Variants in PITPNC1 observed in about 807,000 individuals in gnomAD.
PITPNC1 encodes the protein cytoplasmic phosphatidylinositol transfer protein 1.
In PITPNC1, 18 loss-of-function variants were observed where a neutral mutation model predicts 44.7. That is an observed-to-expected ratio of 0.40 (90% CI 0.28 to 0.60). The LOEUF (loss-of-function observed/expected upper bound fraction) is 0.60, where lower values mean the gene tolerates loss of function less well. PITPNC1 is among the 20% of genes least tolerant of loss of function. The pLI is 0.39. For synonymous variants in PITPNC1, 141 were observed against 149.6 expected (o/e 0.94, Z 0.42); for missense variants, 290 against 418.4 (o/e 0.69, Z 2.68).
At chr17:67,663,580 CAA>C (rs112237311) in intron 6 of PITPNC1, among the ~76,000 whole-genome samples, 5 of 142,298 alleles carry the variant, frequency 3.5e-5, no homozygotes, top group African/African-American at 1.3e-4. Flanking sequence ...AAAAAAAGGA[CAA>C]AAAAAAAAAA....
chr17:67,689,733 A>C lies in PITPNC1; in HGVS notation c.683-2839A>C, dbSNP rs73997224. The stretch of plus-strand genomic sequence containing the variant: ...GTGGAAAATCAAAATTCTGTGCTTT[A>C]GATTATTTCTGCCCCCTGCTGGCTA... On this transcript the variant is annotated intron_variant, in intron 8 of 8. Transcript: ENST00000581322. Among the ~76,000 whole-genome samples, 512 of 152,328 alleles carry C rather than the reference A, an allele frequency of 3.4e-3. 3 individuals carry two copies. The highest frequency in any genetic ancestry group is 0.012 in the African/African-American group (495 of 41,576).
chr17:67,482,212 TAAAGG>T (rs2039713973), intron 1 of PITPNC1, among the ~76,000 whole-genome samples: 1 of 152,206 alleles, frequency 6.6e-6, no homozygotes, highest in Admixed American at 6.5e-5. Context: ...AGCTACAACT[TAAAGG>T]AAACTTGACT....
rs77497598 is a variant in PITPNC1, at chr17:67,542,000, T to A, written c.197+9050T>A. Among the ~76,000 whole-genome samples the A allele has an allele frequency of 6.3e-3, 958 of 152,280 alleles. 13 individuals are homozygous for A. The highest frequency in any genetic ancestry group is 0.022 in the African/African-American group (921 of 41,558). ...GTTCATCAGGGTGTCCTGAAGCAGA[T>A]TCAAATATCTAATAGGCGGTTGAAC... On this transcript the variant is annotated intron_variant, in intron 2 of 8. Transcript: ENST00000581322.
At chr17:67,585,072 T>C (rs772564256) in intron 5 of PITPNC1, among the ~76,000 whole-genome samples, 9 of 143,248 alleles carry the variant, frequency 6.3e-5, no homozygotes, top group Non-Finnish European at 1.2e-4. Flanking sequence ...GCTGAGATCG[T>C]GCCATTGCAC....
chr17:67,558,498 A>G (rs1339463903), intron 4 of PITPNC1, among the ~76,000 whole-genome samples: 1 of 151,944 alleles, frequency 6.6e-6, no homozygotes, highest in Non-Finnish European at 1.5e-5. Context: ...CTTTCAGATG[A>G]GCATAAATCA....
At chr17:67,470,861 A>C (rs1325392546) in intron 1 of PITPNC1, among the ~76,000 whole-genome samples, 8 of 140,554 alleles carry the variant, frequency 5.7e-5, no homozygotes, top group East Asian at 2.1e-4. Flanking sequence ...TGCACTAAGA[A>C]AAATTCCTCT....
intron 2 of PITPNC1, among the ~76,000 whole-genome samples, chr17:67,542,600 A>G (rs921441323): frequency 6.6e-6 from 1 of 152,230 alleles, no homozygotes; most frequent in Non-Finnish European, 1.5e-5. Context: ...AGGCATTTTC[A>G]TAAGTCCACA....
At chr17:67,486,026 C>T (rs8075569) in intron 1 of PITPNC1, among the ~76,000 whole-genome samples, 3,298 of 152,234 alleles carry the variant, frequency 0.022, 103 homozygotes, top group African/African-American at 0.069. Context: ...GCTCCTTAGA[C>T]GCATTAAATA....
intron 6 of PITPNC1, among the ~76,000 whole-genome samples, chr17:67,653,805 G>C (rs907378183): frequency 5.9e-5 from 9 of 151,998 alleles, no homozygotes; most frequent in African/African-American, 2.2e-4. Flanking sequence ...CAGGGAGGAA[G>C]AGAGCCCTGC....
At chr17:67,604,008 C>T (rs896233020) in intron 5 of PITPNC1, among the ~76,000 whole-genome samples, 6 of 151,384 alleles carry the variant, frequency 4.0e-5, no homozygotes, top group Non-Finnish European at 2.9e-5. Flanking sequence ...TTTAAATTTT[C>T]ACAGTGAGGA....
At chr17:67,529,804 G>A (rs1437896286) in intron 1 of PITPNC1, among the ~76,000 whole-genome samples, 1 of 152,074 alleles carries the variant, frequency 6.6e-6, no homozygotes, top group African/African-American at 2.4e-5. Context: ...AAAATTAGTC[G>A]GGTCGTAGCG....
At chr17:67,607,874 G>A (rs1035556640) in intron 5 of PITPNC1, among the ~76,000 whole-genome samples, 3 of 151,658 alleles carry the variant, frequency 2.0e-5, no homozygotes, top group Non-Finnish European at 4.4e-5. Flanking sequence ...GATTATAGGC[G>A]CCCGCCACCA....
intron 1 of PITPNC1, among the ~76,000 whole-genome samples, chr17:67,399,750 T>A (rs1370600513): frequency 6.6e-6 from 1 of 152,244 alleles, no homozygotes; most frequent in African/African-American, 2.4e-5. Context: ...TTGATTTTTC[T>A]TTCATTTTAC....
At chr17:67,461,256 T>G (rs536044680) in intron 1 of PITPNC1, among the ~76,000 whole-genome samples, 13 of 152,192 alleles carry the variant, frequency 8.5e-5, no homozygotes, top group Admixed American at 5.2e-4. Flanking sequence ...GTAAAACATA[T>G]TCTATAAGTT....
chr17:67,572,338 A>G (rs1279849349), intron 4 of PITPNC1, among the ~76,000 whole-genome samples: 1 of 151,988 alleles, frequency 6.6e-6, no homozygotes, highest in South Asian at 2.1e-4. Flanking sequence ...CCGTCTCCCC[A>G]TTGACATTGA....
chr17:67,507,958 G>A (rs1330470204), intron 1 of PITPNC1, among the ~76,000 whole-genome samples: 1 of 152,140 alleles, frequency 6.6e-6, no homozygotes, highest in East Asian at 1.9e-4. Flanking sequence ...TTCCTGGGCT[G>A]CAAACCAGGA....
chr17:67,529,592 T>TGGA (rs2040434499), intron 1 of PITPNC1, among the ~76,000 whole-genome samples: 1 of 152,196 alleles, frequency 6.6e-6, no homozygotes, highest in African/African-American at 2.4e-5. Context: ...CCCCTGCACC[T>TGGA]GTTGCATGAG....
At chr17:67,424,085 CAAAAAAAAA>C (rs71139144) in intron 1 of PITPNC1, among the ~76,000 whole-genome samples, 5 of 76,100 alleles carry the variant, frequency 6.6e-5, no homozygotes, top group African/African-American at 2.5e-4. Context: ...GAGACTGTCT[CAAAAAAAAA>C]AAAAAAAAAA....
At chr17:67,670,456 T>G (rs973339177) in intron 7 of PITPNC1, among the ~76,000 whole-genome samples, 1 of 152,174 alleles carries the variant, frequency 6.6e-6, no homozygotes, top group Non-Finnish European at 1.5e-5. Flanking sequence ...AATAATTCTG[T>G]TACTAAAGTA....
Sources: allele counts gnomAD v4.1 joint callset (sites outside exome capture counted in the v4.1 genomes callset), GRCh38; gene constraint gnomAD v4.1.1; transcripts MANE v1.5; gene names NCBI Gene and HGNC (gene_info 2026-07-23, HGNC 2026-07-21).